Variants in ABCB5 observed in about 807,000 individuals in gnomAD.
ABCB5 encodes the protein ATP binding cassette subfamily B member 5, also known as ATP-binding cassette sub-family B member 5.
A neutral mutation model predicts 144.2 loss-of-function variants in ABCB5; 155 were observed. That is an observed-to-expected ratio of 1.08 (90% CI 0.94 to 1.23). The LOEUF (loss-of-function observed/expected upper bound fraction) is 1.23. Ranked by LOEUF, ABCB5 falls within the 50% of genes most tolerant of loss-of-function variation. The pLI is 0.00. For synonymous variants in ABCB5, 610 were observed against 528.6 expected, an observed-to-expected ratio of 1.15 and a Z score of -2.11; for missense variants, 1,830 against 1,520.8, an observed-to-expected ratio of 1.20 and a Z score of -3.38.
chr7:20,665,398 G>T (rs1439545773), intron 14 of ABCB5, among the ~76,000 whole-genome samples: 1 of 152,126 alleles, frequency 6.6e-6, no homozygotes, highest in East Asian at 1.9e-4. Flanking sequence ...CGACCCAGAA[G>T]AACATTAAGC....
chr7:20,691,996 G>A (rs1040624085), intron 16 of ABCB5, among the ~76,000 whole-genome samples: 1 of 152,136 alleles, frequency 6.6e-6, no homozygotes, highest in African/African-American at 2.4e-5. Flanking sequence ...ACTTAGTAGA[G>A]TTAGTAGAGA....
intron 26 of ABCB5, among the ~76,000 whole-genome samples, chr7:20,746,382 G>A (rs1255166365): frequency 6.6e-6 from 1 of 152,248 alleles, no homozygotes; most frequent in African/African-American, 2.4e-5. Flanking sequence ...ACAGGCGTGA[G>A]CCATCGCGCC....
At chr7:20,641,062 C>A (rs1029550680) in intron 5 of ABCB5, among the ~76,000 whole-genome samples, 1 of 152,128 alleles carries the variant, frequency 6.6e-6, no homozygotes, top group East Asian at 1.9e-4. Context: ...CCAGCCTAGA[C>A]CCCCTCTCTC....
At chr7:20,752,553 C>G (rs1293977181) in intron 26 of ABCB5, among the ~76,000 whole-genome samples, 1 of 152,176 alleles carries the variant, frequency 6.6e-6, no homozygotes, top group Non-Finnish European at 1.5e-5. Context: ...TAGACTGTTT[C>G]AAGACGCCAA....
intron 16 of ABCB5, among the ~76,000 whole-genome samples, chr7:20,695,029 A>G (rs912467552): frequency 2.6e-5 from 4 of 151,992 alleles, no homozygotes; most frequent in Non-Finnish European, 4.4e-5. Flanking sequence ...TTCTCCTCCA[A>G]TTGAATTCAC....
At position 20,628,667 on chromosome 7, in the gene ABCB5, A is replaced by G. The variant is rs373748336; in HGVS notation, c.109-21A>G. 6 of 1,606,218 alleles carry G rather than the reference A, an allele frequency of 3.7e-6. No homozygotes were observed. In the African/African-American group the frequency reaches 6.7e-5, roughly 18 times the overall value. On this transcript the variant is annotated intron_variant, in intron 3 of 27. Transcript: ENST00000404938. Reference sequence around the variant, plus strand: ...TTGTTTGTTTTACAGTTGTGGTGCTACCGTGCTTTGTTTTCCTCAGTTCCG... The same window carrying G: ...TTGTTTGTTTTACAGTTGTGGTGCTGCCGTGCTTTGTTTTCCTCAGTTCCG...
rs751668489 is a variant in ABCB5, at chr7:20,646,110, C to T, written c.953C>T (p.Pro318Leu). The change falls in exon 9 of 28, where the codon CCT (proline) becomes CTT (leucine). Residue 318 changes from proline (P) to leucine (L), a missense_variant. By Grantham distance (98) the Pro-to-Leu change is moderately conservative. Coordinates refer to ENST00000404938, the MANE Select transcript of ABCB5 (RefSeq NM_001163941.2). ...ACCTCCTTGATTCTTAATGGAGAACCTGGATATACCATCGGGACTGTTCTT... is the reference window on the plus strand; with the variant it reads ...ACCTCCTTGATTCTTAATGGAGAACTTGGATATACCATCGGGACTGTTCTT... ...YGTSLILNGE[P>L]GYTIGTVLAV... 3.1e-6 allele frequency: 5 copies of T among 1,613,574 alleles called. No homozygotes were observed. In the South Asian group the frequency reaches 5.5e-5, roughly 18 times the overall value.
At chr7:20,663,713 C>CTTTTT (rs34871735) in intron 14 of ABCB5, among the ~76,000 whole-genome samples, 5 of 107,524 alleles carry the variant, frequency 4.7e-5, no homozygotes, top group African/African-American at 1.1e-4. Flanking sequence ...TTATGTTAGG[C>CTTTTT]TTTTTTTTTT....
At chr7:20,706,045 A>G (rs1407361406) in intron 20 of ABCB5, among the ~76,000 whole-genome samples, 1 of 152,302 alleles carries the variant, frequency 6.6e-6, no homozygotes, top group East Asian at 1.9e-4. Flanking sequence ...TTTGTTAGAT[A>G]GTATTTAGAT....
chr7:20,706,517 G>A (rs1020936458), intron 20 of ABCB5, among the ~76,000 whole-genome samples: 3 of 152,204 alleles, frequency 2.0e-5, no homozygotes, highest in Non-Finnish European at 2.9e-5. Flanking sequence ...ACGGGGAATA[G>A]TTGTCAACCT....
intron 5 of ABCB5, 142 bp from the exon 6 acceptor site, chr7:20,643,042 C>T: frequency 1.5e-6 from 1 of 666,092 alleles, no homozygotes; most frequent in Non-Finnish European, 2.5e-6. Context: ...CAATGCACTT[C>T]ACTCTCATGG....
At chr7:20,631,618 G>C (rs1784040497) in intron 4 of ABCB5, among the ~76,000 whole-genome samples, 1 of 152,084 alleles carries the variant, frequency 6.6e-6, no homozygotes, top group African/African-American at 2.4e-5. Flanking sequence ...GTTTCACTGA[G>C]CTTTCCATTT....
At chr7:20,625,518 A>G (rs11766004) in intron 2 of ABCB5, among the ~76,000 whole-genome samples, 8,543 of 152,304 alleles carry the variant, frequency 0.056, 345 homozygotes, top group South Asian at 0.14. Flanking sequence ...CAAAATTAAG[A>G]GTACACTTGC....
At chr7:20,703,885 A>C (rs1786719888) in intron 19 of ABCB5, among the ~76,000 whole-genome samples, 1 of 152,072 alleles carries the variant, frequency 6.6e-6, no homozygotes, top group African/African-American at 2.4e-5. Context: ...TAACTTCAGG[A>C]GTTTCACAGC....
chr7:20,728,589 A>C, intron 23 of ABCB5, 134 bp downstream of exon 23: 9 of 1,053,794 alleles, frequency 8.5e-6, no homozygotes, highest in Non-Finnish European at 1.0e-5. Flanking sequence ...CCCCATCTCT[A>C]CTAAAAATAC....
intron 15 of ABCB5, among the ~76,000 whole-genome samples, chr7:20,682,384 A>G (rs1785858411): frequency 6.6e-6 from 1 of 152,156 alleles, no homozygotes; most frequent in Non-Finnish European, 1.5e-5. Flanking sequence ...AGCAAGATTG[A>G]TGGGGAGAGA....
intron 5 of ABCB5, among the ~76,000 whole-genome samples, chr7:20,637,004 G>C (rs934709752): frequency 1.3e-5 from 2 of 152,034 alleles, no homozygotes; most frequent in Non-Finnish European, 2.9e-5. Flanking sequence ...GATAGTAAAG[G>C]CTTCATTTAG....
chr7:20,632,516 T>A (rs1385180213), intron 5 of ABCB5, among the ~76,000 whole-genome samples: 1 of 152,166 alleles, frequency 6.6e-6, no homozygotes, highest in Admixed American at 6.6e-5. Flanking sequence ...ACTGGGTATA[T>A]ACCCAAAGGA....
At chr7:20,743,858 G>T (rs1030447830) in intron 25 of ABCB5, among the ~76,000 whole-genome samples, 1 of 152,020 alleles carries the variant, frequency 6.6e-6, no homozygotes, top group Non-Finnish European at 1.5e-5. Flanking sequence ...GGGCTCCCTT[G>T]AACTATGAGA....
Sources: gnomAD v4.1 joint callset for allele counts (sites outside exome capture counted in the v4.1 genomes callset) on GRCh38, gnomAD v4.1.1 for gene constraint, MANE v1.5 for transcripts, NCBI Gene and HGNC (gene_info 2026-07-23, HGNC 2026-07-21) for gene names.